The following ITGA8 variants were observed in gnomAD, a reference collection of about 807,000 sequenced individuals.
The protein encoded by ITGA8 is integrin alpha-8.
Under a neutral mutation model 142.3 loss-of-function variants are expected in ITGA8, and 91 were observed. The ratio of observed to expected loss-of-function variants is 0.64; its 90% CI spans 0.54 to 0.76. ITGA8 has a LOEUF of 0.76. Ranked by LOEUF, ITGA8 falls within the 30% of genes least tolerant of loss-of-function variation. The pLI, the probability that ITGA8 is intolerant of heterozygous loss-of-function variation, is 0.00. For synonymous variants in ITGA8, 505 were observed against 485.2 expected (o/e 1.04, Z -0.54); for missense variants, 1,406 against 1,327.7 (o/e 1.06, Z -0.92).
intron 4 of ITGA8, among the ~76,000 whole-genome samples, chr10:15,679,060 T>G (rs1834687744): frequency 6.6e-6 from 1 of 152,190 alleles, no homozygotes; most frequent in Non-Finnish European, 1.5e-5. Context: ...TCACTTTCAT[T>G]TGAAGAAATA....
intron 29 of ITGA8, 80 bp from the exon 30 acceptor site, chr10:15,517,324 A>T: frequency 1.1e-6 from 1 of 951,634 alleles, no homozygotes; most frequent in Non-Finnish European, 1.6e-6. Flanking sequence ...TTTTCACTTT[A>T]TGTATTTTTT....
At chr10:15,701,824 A>G (rs1835170627) in intron 2 of ITGA8, among the ~76,000 whole-genome samples, 1 of 152,242 alleles carries the variant, frequency 6.6e-6, no homozygotes, top group Non-Finnish European at 1.5e-5. Flanking sequence ...GGAGCTATCC[A>G]GACCTTTTTA....
At chr10:15,529,018 TCC>T (rs1429687468) in intron 28 of ITGA8, among the ~76,000 whole-genome samples, 2 of 142,016 alleles carry the variant, frequency 1.4e-5, no homozygotes, top group Admixed American at 7.1e-5. Flanking sequence ...CCTTCCTTCC[TCC>T]CTGTCTCCCT....
intron 25 of ITGA8, among the ~76,000 whole-genome samples, chr10:15,563,211 T>C (rs1189225231): frequency 6.6e-6 from 1 of 152,180 alleles, no homozygotes; most frequent in East Asian, 1.9e-4. Context: ...GTGAGCCAAT[T>C]AAACCTCTTT....
chr10:15,706,021 G>T (rs1323319453), intron 2 of ITGA8, among the ~76,000 whole-genome samples: 1 of 152,036 alleles, frequency 6.6e-6, no homozygotes, highest in Non-Finnish European at 1.5e-5. Flanking sequence ...CTAAGTCATG[G>T]CCTTAAATAT....
intron 9 of ITGA8, among the ~76,000 whole-genome samples, chr10:15,660,618 A>C (rs573090157): frequency 6.6e-6 from 1 of 152,298 alleles, no homozygotes; most frequent in African/African-American, 2.4e-5. Flanking sequence ...CAGACTAGCA[A>C]TATGCGATAT....
intron 26 of ITGA8, 26 bp downstream of exon 26, chr10:15,558,047 AG>A: frequency 6.2e-7 from 1 of 1,612,986 alleles, no homozygotes; most frequent in South Asian, 1.1e-5. Flanking sequence ...CATTTCCCTC[AG>A]TTCTATGCAC....
At chr10:15,523,526 C>A (rs966782624) in intron 28 of ITGA8, among the ~76,000 whole-genome samples, 1 of 152,146 alleles carries the variant, frequency 6.6e-6, no homozygotes, top group Non-Finnish European at 1.5e-5. Context: ...ATCACAAATT[C>A]GGAAAGTCCC....
chr10:15,710,827 C>T (rs113396353), intron 2 of ITGA8, among the ~76,000 whole-genome samples: 52 of 152,258 alleles, frequency 3.4e-4, no homozygotes, highest in African/African-American at 1.2e-3. Flanking sequence ...CTGCGTATAG[C>T]GTGGGCCGGG....
intron 27 of ITGA8, among the ~76,000 whole-genome samples, chr10:15,536,858 T>C (rs1833449137): frequency 6.6e-6 from 1 of 152,352 alleles, no homozygotes; most frequent in East Asian, 1.9e-4. Flanking sequence ...AGCGACCTAG[T>C]GTGTCAGGCA....
chr10:15,617,704 T>C (rs1163066311), intron 13 of ITGA8, among the ~76,000 whole-genome samples: 3 of 152,172 alleles, frequency 2.0e-5, no homozygotes, highest in Non-Finnish European at 1.5e-5. Context: ...TGGCGGGCTT[T>C]TCTTAATCTC....
chr10:15,550,595 A>T (rs914580951), intron 26 of ITGA8, among the ~76,000 whole-genome samples: 1 of 152,152 alleles, frequency 6.6e-6, no homozygotes, highest in African/African-American at 2.4e-5. Context: ...AGAATGGGAG[A>T]CCTGGCCCAC....
At chr10:15,676,484 C>T (rs1834632668) in intron 6 of ITGA8, among the ~76,000 whole-genome samples, 1 of 152,084 alleles carries the variant, frequency 6.6e-6, no homozygotes, top group Non-Finnish European at 1.5e-5. Flanking sequence ...CACCACATGC[C>T]TTTGCTTCGG....
chr10:15,540,966 G>C (rs984366925), intron 27 of ITGA8, among the ~76,000 whole-genome samples: 1 of 152,188 alleles, frequency 6.6e-6, no homozygotes, highest in Non-Finnish European at 1.5e-5. Context: ...CCATGGCAAC[G>C]ACCTGGAAGT....
At chr10:15,660,545 G>A (rs1834265597) in intron 9 of ITGA8, among the ~76,000 whole-genome samples, 1 of 152,212 alleles carries the variant, frequency 6.6e-6, no homozygotes, top group Admixed American at 6.5e-5. Flanking sequence ...AACTGACAAT[G>A]GTTCAAAAGT....
At chr10:15,619,119 C>G (rs764474614) in intron 13 of ITGA8, among the ~76,000 whole-genome samples, 1 of 152,142 alleles carries the variant, frequency 6.6e-6, no homozygotes, top group Admixed American at 6.6e-5. Context: ...CCTGATTGCC[C>G]GTAGTGGCAA....
At chr10:15,556,945 G>A (rs1833898494) in intron 26 of ITGA8, among the ~76,000 whole-genome samples, 1 of 152,108 alleles carries the variant, frequency 6.6e-6, no homozygotes, top group Non-Finnish European at 1.5e-5. Context: ...ACTTTTTATG[G>A]ACATGGTCTA....
Position 15,655,424 on chromosome 10 carries a change from G to A in ITGA8, c.949-18C>T. 6.3e-7 allele frequency: 1 copy of A among 1,595,452 alleles called. No individual in the cohort carries two copies. Among genetic ancestry groups the A allele is most frequent in the Non-Finnish European group, 8.6e-7 (1 of 1,164,298 alleles). On this transcript the variant is annotated intron_variant, in intron 10 of 29. Transcript: ENST00000378076. ...GATGCCATCTGCAAAGGAAAATCAG[G>A]AGATGACATTTTGTGTCCAAAAAGT... is the stretch of plus-strand genomic sequence containing the variant.
intron 4 of ITGA8, among the ~76,000 whole-genome samples, chr10:15,683,025 A>C (rs1030779242): frequency 6.6e-6 from 1 of 152,108 alleles, no homozygotes; most frequent in East Asian, 1.9e-4. Flanking sequence ...ACACTCAGGC[A>C]AAAGGGGGAA....
Sources: gnomAD v4.1 joint callset for allele counts (sites outside exome capture counted in the v4.1 genomes callset) on GRCh38, gnomAD v4.1.1 for gene constraint, MANE v1.5 for transcripts, NCBI Gene and HGNC (gene_info 2026-07-23, HGNC 2026-07-21) for gene names.